SLC49A4: variants seen among roughly 807,000 people sequenced by gnomAD.
SLC49A4 encodes solute carrier family 49 member 4.
Under a neutral mutation model 50.6 loss-of-function variants are expected in SLC49A4, and 36 were observed. The observed-to-expected ratio is 0.71, with a 90% CI of 0.55 to 0.94. The LOEUF is 0.94. Among genes scored for constraint, SLC49A4 ranks in the 40% least tolerant of loss-of-function variants. The pLI is 0.00. For synonymous variants in SLC49A4, 248 were observed against 241.2 expected (o/e 1.03, Z -0.26); for missense variants, 503 against 605.7 (o/e 0.83, Z 1.78).
At chr3:122,858,096 A>G (rs1004520730) in intron 6 of SLC49A4, among the ~76,000 whole-genome samples, 1 of 152,230 alleles carries the variant, frequency 6.6e-6, no homozygotes, top group Non-Finnish European at 1.5e-5. Flanking sequence ...TCCCTAGGAC[A>G]GTGCTACCTT....
chr3:122,795,542 G>A lies in SLC49A4; in HGVS notation c.343+7G>A. 1 of 1,585,564 alleles carries A rather than the reference G, an allele frequency of 6.3e-7. No individual in the cohort carries two copies. The highest frequency in any genetic ancestry group is 1.1e-5 in the South Asian group (1 of 89,134). Reference sequence around the variant, plus strand: ...TGGCTCCTGGACAAGAGAGGTGAGGGGTCGCGGAGCGCCAGCCCGCGCTGT... The same window carrying A: ...TGGCTCCTGGACAAGAGAGGTGAGGAGTCGCGGAGCGCCAGCCCGCGCTGT... On this transcript the variant is annotated splice_region_variant and intron_variant, in intron 1 of 8. Transcript: ENST00000261038.
intron 4 of SLC49A4, among the ~76,000 whole-genome samples, chr3:122,836,485 G>T (rs1010952293): frequency 7.6e-4 from 116 of 152,094 alleles, no homozygotes; most frequent in Non-Finnish European, 1.1e-3. Flanking sequence ...GCCAGGTTTT[G>T]GTATCAGGAT....
chr3:122,798,634 C>CTTTTTTT lies in SLC49A4; in HGVS notation c.343+3121_343+3127dup, dbSNP rs71136594. 1.9e-4 allele frequency among the ~76,000 whole-genome samples: 12 copies of CTTTTTTT among 62,844 alleles called. 1 individual carries two copies. The highest frequency in any genetic ancestry group is 2.7e-4 in the African/African-American group (4 of 14,994). The allele number at this position is 62,844 out of a possible 152,430, so 41.2% of individuals were successfully genotyped here. On this transcript the variant is annotated intron_variant, in intron 1 of 8. Coordinates refer to ENST00000261038, the MANE Select transcript of SLC49A4 (RefSeq NM_032839.3). ...CTGGCATCCTTGGGTACTAAAATAT[C>CTTTTTTT]TTTTTTTTTTTTTTTTTTTTTTTTT...
intron 7 of SLC49A4, among the ~76,000 whole-genome samples, chr3:122,861,580 A>G (rs925711342): frequency 2.0e-5 from 3 of 152,222 alleles, no homozygotes; most frequent in African/African-American, 7.2e-5. Flanking sequence ...TGTATGTTCC[A>G]TGGGAATCTT....
At chr3:122,800,886 A>G (rs1458535198) in intron 1 of SLC49A4, among the ~76,000 whole-genome samples, 1 of 152,222 alleles carries the variant, frequency 6.6e-6, no homozygotes, top group Non-Finnish European at 1.5e-5. Context: ...TATTTTATAG[A>G]AAAATGGAGA....
intron 8 of SLC49A4, among the ~76,000 whole-genome samples, chr3:122,876,206 G>C (rs1937265519): frequency 1.3e-5 from 2 of 152,200 alleles, no homozygotes. Flanking sequence ...TGAGAATGCT[G>C]TTGTATCCTT....
At chr3:122,846,793 A>G (rs1936859436) in intron 5 of SLC49A4, among the ~76,000 whole-genome samples, 1 of 152,180 alleles carries the variant, frequency 6.6e-6, no homozygotes, top group Non-Finnish European at 1.5e-5. Context: ...GATATTTTGA[A>G]TATCTTTTTC....
At chr3:122,849,948 C>T (rs116707383) in intron 5 of SLC49A4, among the ~76,000 whole-genome samples, 2,779 of 151,986 alleles carry the variant, frequency 0.018, 30 homozygotes, top group Middle Eastern at 0.085. Context: ...TTAGTAGTTT[C>T]ATAGTTTCAA....
At chr3:122,823,592 A>G (rs1398648707) in intron 2 of SLC49A4, among the ~76,000 whole-genome samples, 1 of 152,214 alleles carries the variant, frequency 6.6e-6, no homozygotes, top group African/African-American at 2.4e-5. Context: ...TACTCAATAT[A>G]TGTTTGTTGA....
intron 2 of SLC49A4, among the ~76,000 whole-genome samples, chr3:122,816,344 A>C (rs1372637762): frequency 6.6e-6 from 1 of 152,054 alleles, no homozygotes; most frequent in East Asian, 1.9e-4. Flanking sequence ...CTAATTCTTT[A>C]TATCTCTCTT....
At chr3:122,864,771 T>G (rs1242008405) in intron 7 of SLC49A4, among the ~76,000 whole-genome samples, 1 of 152,198 alleles carries the variant, frequency 6.6e-6, no homozygotes, top group African/African-American at 2.4e-5. Context: ...ACCAGCACTT[T>G]GGGAGGCCAA....
At chr3:122,813,851 G>A (rs1268819386) in intron 2 of SLC49A4, among the ~76,000 whole-genome samples, 1 of 152,090 alleles carries the variant, frequency 6.6e-6, no homozygotes, top group African/African-American at 2.4e-5. Context: ...TTACATATTA[G>A]TTTAAAAAAA....
At chr3:122,877,467 GTAACGCT>G (rs1937280153) in intron 8 of SLC49A4, among the ~76,000 whole-genome samples, 1 of 152,188 alleles carries the variant, frequency 6.6e-6, no homozygotes, top group East Asian at 1.9e-4. Flanking sequence ...AATTCTAATA[GTAACGCT>G]GAAATAAAAG....
chr3:122,814,765 A>T (rs2175536), intron 2 of SLC49A4, among the ~76,000 whole-genome samples: 1 of 151,780 alleles, frequency 6.6e-6, no homozygotes, highest in Non-Finnish European at 1.5e-5. Context: ...TTTTTGTGTG[A>T]CATTTTTTTG....
intron 2 of SLC49A4, among the ~76,000 whole-genome samples, chr3:122,807,303 G>A (rs1222945339): frequency 1.3e-5 from 2 of 152,022 alleles, no homozygotes; most frequent in African/African-American, 2.4e-5. Flanking sequence ...TTGGCTGTGG[G>A]TATCAAAAAG....
chr3:122,822,099 AG>A (rs1378475681), intron 2 of SLC49A4, among the ~76,000 whole-genome samples: 2 of 152,162 alleles, frequency 1.3e-5, no homozygotes, highest in Non-Finnish European at 2.9e-5. Flanking sequence ...CTGACCTACA[AG>A]GACCTTAACT....
Position 122,872,604 on chromosome 3 carries a change from A to AAT in SLC49A4, c.1321+8_1321+9dup, listed in dbSNP as rs752326196. On this transcript the variant is annotated splice_region_variant and intron_variant, in intron 8 of 8. Transcript: ENST00000261038. ...CTCACATTTTATCATACAGGTAAGA[A>AAT]ATTTGATTTTTTATTTACTATCTAA... The AAT allele has an allele frequency of 6.4e-7, 1 of 1,563,014 alleles. No homozygotes were observed. Among genetic ancestry groups the AAT allele is most frequent in the Non-Finnish European group, 8.7e-7 (1 of 1,149,854 alleles).
intron 4 of SLC49A4, among the ~76,000 whole-genome samples, chr3:122,844,133 C>G (rs1390061526): frequency 6.6e-6 from 1 of 152,178 alleles, no homozygotes; most frequent in Admixed American, 6.5e-5. Context: ...CTTAATTTGT[C>G]AAGTACTGCC....
In SLC49A4 at chr3:122,879,354, T is replaced by C. The variant is rs904911305; in HGVS notation, c.1413T>C (p.Tyr471=). 1 of 1,613,880 alleles carries C rather than the reference T, an allele frequency of 6.2e-7. No homozygotes were observed. The highest frequency in any genetic ancestry group is 8.5e-7 in the Non-Finnish European group (1 of 1,179,782). ...TCAGGGAATCCTATGACAGACTCTA[T>C]CTTGATGTGGTTGTCTCCGTTTAAT... The part of the protein sequence containing the change: ...LCFRESYDRL[Y]LDVVVSV Residue 471 remains tyrosine, a synonymous_variant, in exon 9 of 9, where the codon TAT becomes TAC. Coordinates refer to ENST00000261038, the MANE Select transcript of SLC49A4 (RefSeq NM_032839.3).
Sources: gnomAD v4.1 joint callset for allele counts (sites outside exome capture counted in the v4.1 genomes callset) on GRCh38, gnomAD v4.1.1 for gene constraint, MANE v1.5 for transcripts, NCBI Gene and HGNC (gene_info 2026-07-23, HGNC 2026-07-21) for gene names.